UGT3A1: variants seen among roughly 807,000 people sequenced by gnomAD.
UGT3A1 encodes UDP glycosyltransferase family 3 member A1.
In UGT3A1, 40 loss-of-function variants were observed where a neutral mutation model predicts 37.6. That is an observed-to-expected ratio of 1.06 (90% CI 0.83 to 1.38). The LOEUF is 1.38. UGT3A1 is among the 40% of genes most tolerant of loss of function. UGT3A1 has a pLI of 0.00. For missense variants in UGT3A1, 642 were observed against 634.2 expected, an observed-to-expected ratio of 1.01 and a Z score of -0.13; for synonymous variants, 256 against 232.3, an observed-to-expected ratio of 1.10 and a Z score of -0.93.
At chr5:35,987,518 T>C (rs1740774439) in intron 2 of UGT3A1, among the ~76,000 whole-genome samples, 1 of 152,140 alleles carries the variant, frequency 6.6e-6, no homozygotes, top group African/African-American at 2.4e-5. Flanking sequence ...TGACCATATA[T>C]TACTGCTGAG....
intron 1 of UGT3A1, among the ~76,000 whole-genome samples, chr5:35,997,512 C>T (rs757355690): frequency 6.6e-6 from 1 of 152,018 alleles, no homozygotes. Context: ...CTGCAACCTC[C>T]GCCTCCCAGG....
chr5:35,992,666 A>G (rs1740986937), upstream of UGT3A1, among the ~76,000 whole-genome samples: 1 of 152,236 alleles, frequency 6.6e-6, no homozygotes, highest in African/African-American at 2.4e-5. Flanking sequence ...AAACAAGGAA[A>G]GAGATATGAA....
chr5:35,966,702 T>C (rs929464941), intron 3 of UGT3A1, among the ~76,000 whole-genome samples: 5 of 152,182 alleles, frequency 3.3e-5, no homozygotes. Context: ...AAATAGATCC[T>C]GAGCAGTGGT....
At chr5:35,957,561 T>G in intron 4 of UGT3A1, 142 bp from the exon 5 acceptor site, 1 of 696,810 alleles carries the variant, frequency 1.4e-6, no homozygotes, top group Non-Finnish European at 2.5e-6. Flanking sequence ...TTATGGCTCC[T>G]GGCACAGCTC....
chr5:35,999,063 C>A (rs1580974356), intron 1 of UGT3A1, among the ~76,000 whole-genome samples: 1 of 151,784 alleles, frequency 6.6e-6, no homozygotes, highest in Non-Finnish European at 1.5e-5. Context: ...GGAGAAACCC[C>A]GTCTCTACTA....
chr5:35,963,226 G>T (rs1400750997), intron 4 of UGT3A1, among the ~76,000 whole-genome samples: 1 of 152,202 alleles, frequency 6.6e-6, no homozygotes, highest in Non-Finnish European at 1.5e-5. Context: ...TATGCCTGGA[G>T]CATGGCCTCC....
At chr5:35,995,065 G>A (rs1341421063), upstream of UGT3A1, among the ~76,000 whole-genome samples, 1 of 152,180 alleles carries the variant, frequency 6.6e-6, no homozygotes, top group Non-Finnish European at 1.5e-5. Context: ...AGTAGCAAAA[G>A]GGAGGAAGAC....
At chr5:35,997,393 A>C (rs1741122239) in intron 1 of UGT3A1, 1 of 151,770 alleles carries the variant, frequency 6.6e-6, no homozygotes, top group Admixed American at 6.6e-5. Flanking sequence ...AGTCTCACTT[A>C]CTTTTCCCAA....
chr5:35,987,612 G>A (rs867432320), intron 2 of UGT3A1, among the ~76,000 whole-genome samples: 1 of 152,274 alleles, frequency 6.6e-6, no homozygotes, highest in Middle Eastern at 3.4e-3. Flanking sequence ...TCTAGAAGGT[G>A]ATCAAAAGTG....
intron 2 of UGT3A1, 68 bp from the exon 3 acceptor site, chr5:35,968,201 A>C: frequency 1.1e-6 from 1 of 891,448 alleles, no homozygotes; most frequent in Non-Finnish European, 1.7e-6. Context: ...TAGCATGATG[A>C]TATTAAAGTT....
Position 35,957,334 on chromosome 5 carries a change from T to C in UGT3A1, c.929A>G (p.Gln310Arg), listed in dbSNP as rs746146660. 6.2e-7 allele frequency: 1 copy of C among 1,614,204 alleles called. No homozygotes were observed. Among genetic ancestry groups the C allele is most frequent in the South Asian group, 1.1e-5 (1 of 91,084 alleles). Residue 310 changes from glutamine (Q) to arginine (R), a missense_variant, in exon 5 of 7, where the codon CAG becomes CGG. Physicochemically the swap from Gln to Arg is conservative, Grantham distance 43 (BLOSUM62 1). Coordinates refer to ENST00000274278, the MANE Select transcript of UGT3A1 (RefSeq NM_152404.4). ...FGSMLNTHQS[Q>R]EVLKKMHNAF... ...ATTGTGCATCTTCTTGAGGACTTCCTGGGACTGATGGGTGTTCAACATGGA... is the reference window on the plus strand; with the variant it reads ...ATTGTGCATCTTCTTGAGGACTTCCCGGGACTGATGGGTGTTCAACATGGA...
rs142548507 is a variant in UGT3A1 at position 35,976,887 on chromosome 5, G to GGGAAGGAAGGAA, written c.197-8766_197-8755dup. 1.9e-3 allele frequency among the ~76,000 whole-genome samples: 260 copies of GGGAAGGAAGGAA among 135,486 alleles called. 3 individuals are homozygous for GGGAAGGAAGGAA. The East Asian group carries it at 0.027, about 14-fold the overall frequency. 88.9% of individuals were successfully genotyped at this position (135,486 alleles called of 152,430 possible). Reference sequence around the variant, plus strand: ...AAGAAGGGACGGAGGGAGAGAGGAAGGGAAGGAAGGAAGGAAGGAAGGAGA... The same window carrying GGGAAGGAAGGAA: ...AAGAAGGGACGGAGGGAGAGAGGAAGGGAAGGAAGGAAGGAAGGAAGGAAGGAAGGAAGGAGA... On this transcript the variant is annotated intron_variant, in intron 2 of 6. Transcript: ENST00000274278.
At chr5:35,966,770 A>C (rs1580930338) in intron 3 of UGT3A1, among the ~76,000 whole-genome samples, 1 of 152,326 alleles carries the variant, frequency 6.6e-6, no homozygotes, top group South Asian at 2.1e-4. Flanking sequence ...GAATGGAAGA[A>C]GCAATAGCCC....
chr5:35,955,084 A>G (rs766535433), intron 6 of UGT3A1: 1 of 160,926 alleles, frequency 6.2e-6, no homozygotes, highest in Non-Finnish European at 1.4e-5. Context: ...TAATAAAAAC[A>G]TAAATAAATG....
At position 35,972,494 on chromosome 5, in the gene UGT3A1, CGTGTGTGTGTGT is replaced by C. The variant is rs4024103; in HGVS notation, c.197-4373_197-4362del. Among the ~76,000 whole-genome samples the C allele has an allele frequency of 4.6e-4, 65 of 141,442 alleles. No individual in the cohort carries two copies. The East Asian group carries it at 0.012, about 25-fold the overall frequency. The allele number at this position is 141,442 out of a possible 152,430, so 92.8% of individuals were successfully genotyped here. ...TTATGTAAACCAAGTCCTTGAAATACGTGTGTGTGTGTGTGTGTGTGTGTGTGTGTGTGTGTG... is the reference window on the plus strand; with the variant it reads ...TTATGTAAACCAAGTCCTTGAAATACGTGTGTGTGTGTGTGTGTGTGTGTG... On this transcript the variant is annotated intron_variant, in intron 2 of 6. Coordinates refer to ENST00000274278, the MANE Select transcript of UGT3A1 (RefSeq NM_152404.4).
rs1740129981 is a variant in UGT3A1 at position 35,973,353 on chromosome 5, A to G, written c.197-5220T>C. 3.3e-5 allele frequency among the ~76,000 whole-genome samples: 5 copies of G among 152,334 alleles called. No homozygotes were observed. The South Asian group carries it at 1.0e-3, about 32-fold the overall frequency. On this transcript the variant is annotated intron_variant, in intron 2 of 6. Coordinates refer to ENST00000274278, the MANE Select transcript of UGT3A1 (RefSeq NM_152404.4). Reference sequence around the variant, plus strand: ...TGACAAAAATCTGGGGTACATGTGTAGAAGAGTATGTGAGGTAATGGTGAA... The same window carrying G: ...TGACAAAAATCTGGGGTACATGTGTGGAAGAGTATGTGAGGTAATGGTGAA...
chr5:35,954,424 G>C lies in UGT3A1; in HGVS notation c.1350C>G (p.Ser450Arg). 2 of 1,614,238 alleles carry C rather than the reference G, an allele frequency of 1.2e-6. No homozygotes were observed. The highest frequency in any genetic ancestry group is 8.5e-7 in the Non-Finnish European group (1 of 1,180,042). The change falls in exon 7 of 7, where the codon AGC (serine) becomes AGG (arginine). Residue 450 changes from serine to arginine, a missense_variant. Physicochemically the swap from Ser to Arg is moderately radical, Grantham distance 110. Transcript: ENST00000274278. The part of the protein sequence containing the change: ...ASVILHSQPL[S>R]PAQRLVGWID... ...TCCAGCCCACCAGCCGCTGTGCGGG[G>C]CTCAGGGGCTGAGAGTGCAGGATGA... is the stretch of plus-strand genomic sequence containing the variant.
intron 2 of UGT3A1, among the ~76,000 whole-genome samples, chr5:35,985,079 T>TAAAAAAA (rs59401195): frequency 1.6e-4 from 19 of 116,026 alleles, no homozygotes; most frequent in South Asian, 3.0e-4. Context: ...ACATAAAATA[T>TAAAAAAA]AAAAAAAAAA....
In UGT3A1 at chr5:35,991,292, C is replaced by G. The variant is rs570382485; in HGVS notation, c.-52G>C. On this transcript the variant is annotated 5_prime_UTR_variant, in exon 1 of 7. Coordinates refer to ENST00000274278, the MANE Select transcript of UGT3A1 (RefSeq NM_152404.4). ...TCAGCCTGGGCTGCGCGCCCTGCGC[C>G]GGGCTAAGGACTCTGTGCGCGCCTC... 5 of 1,611,006 alleles carry G rather than the reference C, an allele frequency of 3.1e-6. No homozygotes were observed. Among genetic ancestry groups the G allele is most frequent in the African/African-American group, 1.3e-5 (1 of 75,014 alleles).
Sources: allele counts gnomAD v4.1 joint callset (sites outside exome capture counted in the v4.1 genomes callset), GRCh38; gene constraint gnomAD v4.1.1; transcripts MANE v1.5; gene names NCBI Gene and HGNC (gene_info 2026-07-23, HGNC 2026-07-21).